Variants in ZNF142 observed in about 807,000 individuals in gnomAD.
ZNF142 encodes the protein zinc finger protein 142 (clone pHZ-49).
ZNF142 carries 96 observed loss-of-function variants against 132.1 expected under a neutral mutation model. The ratio of observed to expected loss-of-function variants is 0.73; its 90% CI spans 0.62 to 0.86. The LOEUF is 0.86. ZNF142 is among the 40% of genes least tolerant of loss of function. The probability of loss-of-function intolerance (pLI) is 0.00; values close to 1 mark genes in which losing one functional copy is unlikely to be tolerated. For missense variants in ZNF142, 2,163 were observed against 2,336.2 expected, an observed-to-expected ratio of 0.93 and a Z score of 1.53; for synonymous variants, 842 against 890.1, an observed-to-expected ratio of 0.95 and a Z score of 0.96.
chr2:218,640,189 C>CA (rs1697071029), intron 10 of ZNF142, among the ~76,000 whole-genome samples: 1 of 150,878 alleles, frequency 6.6e-6, no homozygotes, highest in Admixed American at 6.6e-5. Context: ...ATAGGGGGAT[C>CA]AGATGCAATA....
chr2:218,652,749 T>G (rs1938126182), intron 4 of ZNF142, among the ~76,000 whole-genome samples: 1 of 152,138 alleles, frequency 6.6e-6, no homozygotes. Context: ...AAAATAATTA[T>G]TATTCTCCAT....
chr2:218,644,670 C>T lies in ZNF142; in HGVS notation c.2446G>A (p.Gly816Arg), dbSNP rs1444626145. ...GGGGGTGTTGGGCCCTGCATGGCCC[C>T]TTCTGGCTCCTGGCTTGCATAGCGG... ...QLRYASQEPE[G>R]AMQGPTPPPD... Residue 816 changes from glycine (G) to arginine (R), a missense_variant, in exon 9 of 11, where the codon GGG becomes AGG. Gly to Arg is a moderately radical substitution (Grantham distance 125). Transcript: ENST00000411696. This position sits in a 1 kb window ranked among gnomAD's most constrained non-coding sequence, Gnocchi z 4.6. 1.1e-5 allele frequency: 17 copies of T among 1,614,116 alleles called. No homozygotes were observed. The highest frequency in any genetic ancestry group is 1.4e-5 in the Non-Finnish European group (16 of 1,180,036).
chr2:218,637,446 A>G lies in ZNF142; in HGVS notation c.*893T>C, dbSNP rs1021835463. ...TTGTCCCAGCATAATTATTAATAGT[A>G]CCCTCTTTAAGTTTTCCCAGTGTGT... On this transcript the variant is annotated 3_prime_UTR_variant, in exon 11 of 11. Coordinates refer to ENST00000411696, the MANE Select transcript of ZNF142 (RefSeq NM_001379659.1). 2.0e-5 allele frequency among the ~76,000 whole-genome samples: 3 copies of G among 152,212 alleles called. No homozygotes were observed. Among genetic ancestry groups the G allele is most frequent in the African/African-American group, 7.2e-5 (3 of 41,454 alleles).
rs181627115 is a variant in ZNF142, at chr2:218,650,380, G to T, written c.1027C>A (p.Gln343Lys). Residue 343 changes from glutamine (Q) to lysine (K), a missense_variant, in exon 6 of 11, where the codon CAA (glutamine) becomes AAA (lysine). Gln to Lys is a moderately conservative substitution (Grantham distance 53). This residue lies in a region of ZNF142 where 749 missense variants were observed against 830.3 expected (regional missense o/e 0.90). Transcript: ENST00000411696. Reference sequence around the variant, plus strand: ...TTACCTTCCAGCCGCTGAGCCCCTTGGCCTTTATCCACAGCCTTTTGGGAG... The same window carrying T: ...TTACCTTCCAGCCGCTGAGCCCCTTTGCCTTTATCCACAGCCTTTTGGGAG... Reference protein sequence around the residue: ...KDSQKAVDKGQGAQRLEGDVV... With the variant: ...KDSQKAVDKGKGAQRLEGDVV... The T allele has an allele frequency of 4.9e-4, 797 of 1,614,130 alleles. 3 individuals carry two copies. The African/African-American group carries it at 9.5e-3, about 19-fold the overall frequency.
At chr2:218,649,508 A>G in intron 6 of ZNF142, 49 bp from the exon 7 acceptor site, 1 of 1,469,030 alleles carries the variant, frequency 6.8e-7, no homozygotes, top group Non-Finnish European at 9.1e-7. Context: ...TTTCTGGGGA[A>G]AGCCAGATAA....
Position 218,633,626 on chromosome 2 carries a change from C to T in ZNF142, c.*4713G>A. On this transcript the variant is annotated 3_prime_UTR_variant, in exon 11 of 11. Coordinates refer to ENST00000411696, the MANE Select transcript of ZNF142 (RefSeq NM_001379659.1). The stretch of plus-strand genomic sequence containing the variant: ...CCAGAAATCCAAGCCCATCTTGTGT[C>T]CAGCCCTCTCTTCCCTGGTTATCTA... 6.2e-7 allele frequency: 1 copy of T among 1,613,684 alleles called. No individual in the cohort carries two copies. The highest frequency in any genetic ancestry group is 8.5e-7 in the Non-Finnish European group (1 of 1,179,600).
At position 218,633,723 on chromosome 2, in the gene ZNF142, T is replaced by G. The variant is rs745982556; in HGVS notation, c.*4616A>C. ...TACCACTTCTACGAGATATCATCTT[T>G]CTCTGAAACCAAGGCCAAGCGCCTC... On this transcript the variant is annotated 3_prime_UTR_variant, in exon 11 of 11. Transcript: ENST00000411696. 1 of 1,613,918 alleles carries G rather than the reference T, an allele frequency of 6.2e-7. No homozygotes were observed.
Position 218,644,584 on chromosome 2 carries a change from A to G in ZNF142, c.2532T>C (p.Pro844=), listed in dbSNP as rs1553585591. 1 of 1,614,132 alleles carries G rather than the reference A, an allele frequency of 6.2e-7. No homozygotes were observed. The highest frequency in any genetic ancestry group is 8.5e-7 in the Non-Finnish European group (1 of 1,180,028). The change falls in exon 9 of 11, where the codon CCT becomes CCC. Residue 844 remains proline (P), a synonymous_variant. Transcript: ENST00000411696. The surrounding 1 kb of genome is among the most constrained non-coding windows in gnomAD (Gnocchi z 4.6). Reference sequence around the variant, plus strand: ...CCAAGCTGGGGTCCACCACAGTCCCAGGTTCGTGACCTGGCCCCTCAGGTC... The same window carrying G: ...CCAAGCTGGGGTCCACCACAGTCCCGGGTTCGTGACCTGGCCCCTCAGGTC... ...SARPEGPGHE[P]GTVVDPSLDQ... is the part of the protein sequence containing the mutation.
In ZNF142 at chr2:218,633,962, GAC is replaced by G. The variant is rs1334968476; in HGVS notation, c.*4375_*4376del. 7.1e-6 allele frequency: 9 copies of G among 1,268,464 alleles called. No individual in the cohort carries two copies. Among genetic ancestry groups the G allele is most frequent in the Non-Finnish European group, 9.8e-6 (9 of 915,612 alleles). 78.6% of individuals were successfully genotyped at this position (1,268,464 alleles called of 1,614,324 possible). A position where few individuals can be genotyped will look rare whatever the true frequency, so the allele number is the denominator to read the frequency against. ...AGGGGCAGGAAAGCTGGTCTGGATG[GAC>G]AGAGTAGAGAGGCACAGTGAAACTT... On this transcript the variant is annotated 3_prime_UTR_variant, in exon 11 of 11. Transcript: ENST00000411696.
At chr2:218,646,369 G>A (rs778890200) in intron 7 of ZNF142, 21 bp from the exon 8 acceptor site, 3 of 1,612,702 alleles carry the variant, frequency 1.9e-6, no homozygotes, top group Admixed American at 3.3e-5. Context: ...GGATGCGGAT[G>A]AAGGGAGAGA....
intron 4 of ZNF142, 101 bp from the exon 5 acceptor site, chr2:218,652,401 C>T (rs888350435): frequency 2.8e-5 from 12 of 427,800 alleles, no homozygotes; most frequent in Admixed American, 1.7e-4. Flanking sequence ...TTTTAATATT[C>T]GTAGAGTACA....
chr2:218,633,877 T>G lies in ZNF142; in HGVS notation c.*4462A>C. On this transcript the variant is annotated 3_prime_UTR_variant, in exon 11 of 11. Coordinates refer to ENST00000411696, the MANE Select transcript of ZNF142 (RefSeq NM_001379659.1). Reference sequence around the variant, plus strand: ...AGGTAGCTAAGGAGAGATGAAGGAGTTCAGAAACTCCTTAGAGCAGACAAG... The same window carrying G: ...AGGTAGCTAAGGAGAGATGAAGGAGGTCAGAAACTCCTTAGAGCAGACAAG... The G allele has an allele frequency of 2.6e-5, 28 of 1,095,802 alleles. No homozygotes were observed. Among genetic ancestry groups the G allele is most frequent in the Non-Finnish European group, 3.6e-5 (27 of 744,734 alleles). The allele number at this position is 1,095,802 out of a possible 1,614,324, so 67.9% of individuals were successfully genotyped here.
Position 218,650,423 on chromosome 2 carries a change from CTTCTCTT to C in ZNF142, c.977_983del (p.Glu326GlyfsTer141). On this transcript the variant is annotated frameshift_variant, in exon 6 of 11. Transcript: ENST00000411696. LOFTEE classifies it high-confidence loss of function. Reference sequence around the variant, plus strand: ...TTTGGGAGTCCTTCTGGGTGTCACTCTTCTCTTCTTTCTCTACATTCTCCTCTTCAGC... The same window carrying C: ...TTTGGGAGTCCTTCTGGGTGTCACTCCTTTCTCTACATTCTCCTCTTCAGC... 6.2e-7 allele frequency: 1 copy of C among 1,614,212 alleles called. No individual in the cohort carries two copies. The highest frequency in any genetic ancestry group is 8.5e-7 in the Non-Finnish European group (1 of 1,180,040).
intron 7 of ZNF142, among the ~76,000 whole-genome samples, chr2:218,646,703 G>C (rs547175769): frequency 1.3e-5 from 2 of 152,174 alleles, no homozygotes; most frequent in South Asian, 4.1e-4. Flanking sequence ...TTGTGCCTTA[G>C]CCTCTCGAGT....
At position 218,634,593 on chromosome 2, in the gene ZNF142, C is replaced by T; in HGVS notation, c.*3746G>A. ...CAGAGTTCTTTCCACCCTGAGAAGCCCATCAGCCCTTTCAAAGCCCAGACT... is the reference window on the plus strand; with the variant it reads ...CAGAGTTCTTTCCACCCTGAGAAGCTCATCAGCCCTTTCAAAGCCCAGACT... On this transcript the variant is annotated 3_prime_UTR_variant, in exon 11 of 11. Coordinates refer to ENST00000411696, the MANE Select transcript of ZNF142 (RefSeq NM_001379659.1). The surrounding 1 kb of genome is among the most constrained non-coding windows in gnomAD (Gnocchi z 4.0). 1 of 1,614,022 alleles carries T rather than the reference C, an allele frequency of 6.2e-7. No homozygotes were observed. Among genetic ancestry groups the T allele is most frequent in the East Asian group, 2.2e-5 (1 of 44,880 alleles).
chr2:218,642,332 AG>A lies in ZNF142; in HGVS notation c.4783del (p.Leu1595TrpfsTer2), dbSNP rs776031837. On this transcript the variant is annotated frameshift_variant, in exon 9 of 11. Coordinates refer to ENST00000411696, the MANE Select transcript of ZNF142 (RefSeq NM_001379659.1). LOFTEE classifies it high-confidence loss of function. The surrounding 1 kb of genome is among the most constrained non-coding windows in gnomAD (Gnocchi z 4.6). Reference protein sequence around the residue: ...CDFAARERVGLVKHYLEQHEE... With the variant: ...CDFAARERVGXVKHYLEQHEE... ...ATGCTGTTCCAGGTAGTGCTTTACC[AG>A]GCCCACCCGCTCCCGGGCAGCAAAG... is the stretch of plus-strand genomic sequence containing the variant. The A allele has an allele frequency of 1.2e-6, 2 of 1,613,778 alleles. No individual in the cohort carries two copies. Among genetic ancestry groups the A allele is most frequent in the South Asian group, 2.2e-5 (2 of 91,084 alleles).
intron 4 of ZNF142, among the ~76,000 whole-genome samples, chr2:218,655,279 G>A (rs1160343661): frequency 6.6e-6 from 1 of 151,782 alleles, no homozygotes; most frequent in Admixed American, 6.6e-5. Flanking sequence ...AATATTATAT[G>A]GTCAAATTAG....
chr2:218,646,202 C>G lies in ZNF142; in HGVS notation c.2020G>C (p.Val674Leu), dbSNP rs1253689598. The G allele has an allele frequency of 1.2e-6, 2 of 1,613,896 alleles. No homozygotes were observed. Among genetic ancestry groups the G allele is most frequent in the South Asian group, 2.2e-5 (2 of 91,084 alleles). ...YVTKWKHYLR[V>L]HMRKHAGDLR... is the part of the protein sequence containing the mutation. ...TCCCCTGCATGTTTTCGCATGTGCACACGGAGGTAGTGCTTCCACTTGGTG... is the reference window on the plus strand; with the variant it reads ...TCCCCTGCATGTTTTCGCATGTGCAGACGGAGGTAGTGCTTCCACTTGGTG... Residue 674 changes from valine (V) to leucine (L), a missense_variant, in exon 8 of 11, where the codon GTG becomes CTG. This residue lies in a region of ZNF142 where 749 missense variants were observed against 830.3 expected (regional missense o/e 0.90). Transcript: ENST00000411696.
rs1697124484 is a variant in ZNF142 at position 218,640,886 on chromosome 2, T to C, written c.5089-117A>G. 3.4e-5 allele frequency: 26 copies of C among 760,146 alleles called. 1 individual carries two copies. In the South Asian group the frequency reaches 4.5e-4, roughly 13 times the overall value. The allele number at this position is 760,146 out of a possible 1,614,324, so 47.1% of individuals were successfully genotyped here. A position where few individuals can be genotyped will look rare whatever the true frequency, so the allele number is the denominator to read the frequency against. Reference sequence around the variant, plus strand: ...GCCTTTATCATATGGCAAGCAGACATTATGGAACTTTGTTTTTCTTAATCT... The same window carrying C: ...GCCTTTATCATATGGCAAGCAGACACTATGGAACTTTGTTTTTCTTAATCT... On this transcript the variant is annotated intron_variant, in intron 9 of 10. Transcript: ENST00000411696.
Sources: gnomAD v4.1 joint callset for allele counts (sites outside exome capture counted in the v4.1 genomes callset) on GRCh38, gnomAD v4.1.1 for gene constraint, gnomAD v4.1.1 regional missense constraint, Gnocchi (gnomAD v3.1) non-coding constraint, MANE v1.5 for transcripts, NCBI Gene and HGNC (gene_info 2026-07-23, HGNC 2026-07-21) for gene names.